The following AURKB variants were observed in gnomAD, a reference collection of about 807,000 sequenced individuals.
The protein encoded by AURKB is aurora kinase B-Sv1.
In AURKB, 28 loss-of-function variants were observed where a neutral mutation model predicts 36.5. The ratio of observed to expected loss-of-function variants is 0.77; its 90% CI spans 0.57 to 1.05. The LOEUF (loss-of-function observed/expected upper bound fraction) is 1.05, where lower values mean the gene tolerates loss of function less well. Among genes scored for constraint, AURKB ranks in the 50% least tolerant of loss-of-function variants. AURKB has a pLI of 0.00. For missense variants in AURKB, 383 were observed against 447.4 expected, an observed-to-expected ratio of 0.86 and a Z score of 1.30; for synonymous variants, 175 against 172.9, an observed-to-expected ratio of 1.01 and a Z score of -0.09.
rs1167108963 is a variant in AURKB, at chr17:8,207,594, G to A, written c.183C>T (p.Ser61=). 3.1e-6 allele frequency: 5 copies of A among 1,613,732 alleles called. No homozygotes were observed. Among genetic ancestry groups the A allele is most frequent in the East Asian group, 2.2e-5 (1 of 44,876 alleles). Residue 61 remains serine (S), a synonymous_variant, in exon 4 of 9, where the codon AGC becomes AGT. Coordinates refer to ENST00000585124, the MANE Select transcript of AURKB (RefSeq NM_004217.4). ...AAPGQKVMEN[S]SGTPDILTRH... is the part of the protein sequence containing the mutation. ...ACGTTAAGATGTCGGGTGTCCCACTGCTATTCTCCATCACCTTCTGGCCAG... is the reference window on the plus strand; with the variant it reads ...ACGTTAAGATGTCGGGTGTCCCACTACTATTCTCCATCACCTTCTGGCCAG...
Position 8,207,810 on chromosome 17 carries a change from G to T in AURKB, c.79C>A (p.Arg27=), listed in dbSNP as rs924562298. Residue 27 remains arginine, a synonymous_variant, in exon 3 of 9, where the codon CGA becomes AGA. Transcript: ENST00000585124. ...GTGACAGGCTCTTTCCGGAGGACTCGCTGGGGCAGGGTGCTCAGGCCAGAT... is the reference window on the plus strand; with the variant it reads ...GTGACAGGCTCTTTCCGGAGGACTCTCTGGGGCAGGGTGCTCAGGCCAGAT... The part of the protein sequence containing the change: ...APSGLSTLPQ[R]VLRKEPVTPS... 1.9e-6 allele frequency: 3 copies of T among 1,613,864 alleles called. No homozygotes were observed. The highest frequency in any genetic ancestry group is 2.5e-6 in the Non-Finnish European group (3 of 1,179,922).
chr17:8,205,196 A>G lies in AURKB; in HGVS notation c.861+20T>C. 1 of 1,601,654 alleles carries G rather than the reference A, an allele frequency of 6.2e-7. No homozygotes were observed. Among genetic ancestry groups the G allele is most frequent in the Non-Finnish European group, 8.5e-7 (1 of 1,172,534 alleles). On this transcript the variant is annotated intron_variant, in intron 8 of 8. Coordinates refer to ENST00000585124, the MANE Select transcript of AURKB (RefSeq NM_004217.4). The stretch of plus-strand genomic sequence containing the variant: ...CTCCTGGCTTCAGCAGCTGGCACGA[A>G]GCCCAGGCCGCCCTCCCACCTTGAC...
rs986797008 is a variant in AURKB, at chr17:8,207,007, A to C, written c.399-119T>G. The C allele has an allele frequency of 2.0e-6, 3 of 1,514,012 alleles. No individual in the cohort carries two copies. The African/African-American group carries it at 4.2e-5, about 21-fold the overall frequency. 93.8% of individuals were successfully genotyped at this position (1,514,012 alleles called of 1,614,324 possible). ...GGGGACACCAGGGCTGGGAGTGGTA[A>C]GGGGAAACTGGAGGCAGATTTCTGG... On this transcript the variant is annotated intron_variant, in intron 5 of 8. Coordinates refer to ENST00000585124, the MANE Select transcript of AURKB (RefSeq NM_004217.4).
Position 8,206,980 on chromosome 17 carries a change from C to A in AURKB, c.399-92G>T, listed in dbSNP as rs761158760. On this transcript the variant is annotated intron_variant, in intron 5 of 8. Transcript: ENST00000585124. This position sits in a 1 kb window ranked among gnomAD's most constrained non-coding sequence, Gnocchi z 4.2. ...AAACTGGGGTCAGACGTGGCCCAGG[C>A]CGGGGACACCAGGGCTGGGAGTGGT... 1.9e-6 allele frequency: 3 copies of A among 1,579,886 alleles called. No individual in the cohort carries two copies. Among genetic ancestry groups the A allele is most frequent in the African/African-American group, 1.3e-5 (1 of 74,266 alleles).
rs1249647161 is a variant in AURKB, at chr17:8,207,752, T to C, written c.137A>G (p.Asn46Ser). The C allele has an allele frequency of 6.2e-6, 10 of 1,614,076 alleles. No homozygotes were observed. Among genetic ancestry groups the C allele is most frequent in the Non-Finnish European group, 8.5e-6 (10 of 1,179,992 alleles). The part of the protein sequence containing the change: ...PSALVLMSRS[N>S]VQPTAAPGQK... Reference sequence around the variant, plus strand: ...GCGCCAGTTACCTGTGGGCTGGACATTGGAGCGGCTCATGAGGACAAGTGC... The same window carrying C: ...GCGCCAGTTACCTGTGGGCTGGACACTGGAGCGGCTCATGAGGACAAGTGC... Residue 46 changes from asparagine (N) to serine (S), a missense_variant, in exon 3 of 9, where the codon AAT becomes AGT. Asn to Ser is a conservative substitution (Grantham distance 46). Coordinates refer to ENST00000585124, the MANE Select transcript of AURKB (RefSeq NM_004217.4).
chr17:8,210,240 G>T lies in AURKB; in HGVS notation c.-16C>A. 1 of 1,595,628 alleles carries T rather than the reference G, an allele frequency of 6.3e-7. No homozygotes were observed. ...TCTGGGCCATCCTTAGAGAGAAAGG[G>T]GGAGGAGAGCTGGGCGGAGAAGGGA... On this transcript the variant is annotated 5_prime_UTR_variant, in exon 2 of 9. Transcript: ENST00000585124.
intron 2 of AURKB, chr17:8,209,955 A>G (rs1268922316): frequency 1.1e-5 from 7 of 622,576 alleles, no homozygotes; most frequent in Non-Finnish European, 2.0e-5. Flanking sequence ...GGTCCTCACC[A>G]GCTGGGAGTC....
In AURKB at chr17:8,207,226, C is replaced by T. The variant is rs773681102; in HGVS notation, c.348G>A (p.Glu116=). 1.9e-6 allele frequency: 3 copies of T among 1,614,172 alleles called. No homozygotes were observed. Among genetic ancestry groups the T allele is most frequent in the East Asian group, 4.5e-5 (2 of 44,888 alleles). The change falls in exon 5 of 9, where the codon GAG becomes GAA. Residue 116 remains glutamate, a synonymous_variant. Coordinates refer to ENST00000585124, the MANE Select transcript of AURKB (RefSeq NM_004217.4). ...CTCTGCGCAGCTGATGCTCCACGCCCTCCTTCTCTATCTGGGACTTGAAGA... is the reference window on the plus strand; with the variant it reads ...CTCTGCGCAGCTGATGCTCCACGCCTTCCTTCTCTATCTGGGACTTGAAGA... ...KVLFKSQIEK[E]GVEHQLRREI...
rs746022827 is a variant in AURKB at position 8,207,181 on chromosome 17, G to A, written c.393C>T (p.His131=). The part of the protein sequence containing the change: ...QLRREIEIQA[H]LHHPNILRLY... ...CAGGGGGCATCAACCCATACTGCAG[G>A]TGGGCCTGGATTTCGATCTCTCTGC... Residue 131 remains histidine, a synonymous_variant, in exon 5 of 9, where the codon CAC becomes CAT. Coordinates refer to ENST00000585124, the MANE Select transcript of AURKB (RefSeq NM_004217.4). The A allele has an allele frequency of 6.2e-7, 1 of 1,611,804 alleles. No homozygotes were observed. The highest frequency in any genetic ancestry group is 8.5e-7 in the Non-Finnish European group (1 of 1,178,226).
chr17:8,210,529 C>A lies in AURKB; in HGVS notation c.-26+1G>T. 1 of 459,236 alleles carries A rather than the reference C, an allele frequency of 2.2e-6. No individual in the cohort carries two copies. The highest frequency in any genetic ancestry group is 4.4e-5 in the East Asian group (1 of 22,958). 28.4% of individuals were successfully genotyped at this position (459,236 alleles called of 1,614,324 possible). Reference sequence around the variant, plus strand: ...AGGCCTGCGACAGGAGGCCAGCTCACCTGGGGTCCAAGGCACTGCTACTCT... The same window carrying A: ...AGGCCTGCGACAGGAGGCCAGCTCAACTGGGGTCCAAGGCACTGCTACTCT... On this transcript the variant is annotated splice_donor_variant, in intron 1 of 8. Coordinates refer to ENST00000585124, the MANE Select transcript of AURKB (RefSeq NM_004217.4). LOFTEE classifies it low-confidence loss of function (5UTR_SPLICE).
Position 8,206,070 on chromosome 17 carries a change from C to T in AURKB, c.686+421G>A, listed in dbSNP as rs1689169582. Among the ~76,000 whole-genome samples, 1 of 151,552 alleles carries T rather than the reference C, an allele frequency of 6.6e-6. No individual in the cohort carries two copies. The highest frequency in any genetic ancestry group is 2.4e-5 in the African/African-American group (1 of 41,238). On this transcript the variant is annotated intron_variant, in intron 7 of 8. Transcript: ENST00000585124. The surrounding 1 kb of genome is among the most constrained non-coding windows in gnomAD (Gnocchi z 4.2). ...CCACCGCGCCTGGCCAAAGTTTTAC[C>T]ATTGGCCCCTACAGGGATCAAACCT...
At chr17:8,209,842 C>T in intron 2 of AURKB, 2 of 427,138 alleles carry the variant, frequency 4.7e-6, no homozygotes, top group Non-Finnish European at 8.3e-6. Flanking sequence ...TATTTGCTGT[C>T]TAGTTTTTTT....
At chr17:8,207,070 C>T in intron 5 of AURKB, 106 bp downstream of exon 5, 1 of 1,451,070 alleles carries the variant, frequency 6.9e-7, no homozygotes, top group South Asian at 1.3e-5. Context: ...AAATGGGGCT[C>T]ACTAGCCATA....
At chr17:8,209,719 A>C (rs1985853354) in intron 2 of AURKB, among the ~76,000 whole-genome samples, 1 of 152,212 alleles carries the variant, frequency 6.6e-6, no homozygotes, top group South Asian at 2.1e-4. Flanking sequence ...GAAATAAGTC[A>C]ATTTAGATCC....
chr17:8,205,270 C>T lies in AURKB; in HGVS notation c.807G>A (p.Gly269=). 3 of 1,614,130 alleles carry T rather than the reference C, an allele frequency of 1.9e-6. No individual in the cohort carries two copies. The highest frequency in any genetic ancestry group is 2.2e-5 in the East Asian group (1 of 44,888). ...GTGATGCACTCTCAAAGGGTGGGTT[C>T]CCCACCAGCAGCTCATAGCAAAGCA... ...IGVLCYELLV[G]NPPFESASHN... is the part of the protein sequence containing the mutation. The change falls in exon 8 of 9, where the codon GGG becomes GGA. Residue 269 remains glycine, a synonymous_variant. Coordinates refer to ENST00000585124, the MANE Select transcript of AURKB (RefSeq NM_004217.4).
chr17:8,208,463 C>T (rs1255716716), intron 2 of AURKB, among the ~76,000 whole-genome samples: 4 of 149,362 alleles, frequency 2.7e-5, no homozygotes, highest in Admixed American at 1.3e-4. Flanking sequence ...TGGTGGCAGG[C>T]GCCTGTAATC....
intron 2 of AURKB, 126 bp downstream of exon 2, chr17:8,210,051 C>A (rs1985898685): frequency 1.5e-6 from 2 of 1,297,310 alleles, no homozygotes; most frequent in Admixed American, 3.9e-5. Flanking sequence ...AACTTGGGAC[C>A]CGTACTTTGG....
At chr17:8,208,576 G>C (rs1443635648) in intron 2 of AURKB, among the ~76,000 whole-genome samples, 6 of 149,396 alleles carry the variant, frequency 4.0e-5, no homozygotes, top group African/African-American at 1.5e-4. Context: ...GGGCAACACA[G>C]TGAGGCTCCG....
At chr17:8,207,037 A>G in intron 5 of AURKB, 139 bp downstream of exon 5, 6 of 1,459,444 alleles carry the variant, frequency 4.1e-6, no homozygotes, top group Non-Finnish European at 4.6e-6. Context: ...TTCTGGATTC[A>G]AGGCTTGCCA....
Sources: gnomAD v4.1 joint callset for allele counts (sites outside exome capture counted in the v4.1 genomes callset) on GRCh38, gnomAD v4.1.1 for gene constraint, Gnocchi (gnomAD v3.1) non-coding constraint, MANE v1.5 for transcripts, NCBI Gene and HGNC (gene_info 2026-07-23, HGNC 2026-07-21) for gene names.